Variants in PVT1 observed in about 807,000 individuals in gnomAD.
The protein encoded by PVT1 is Pvt1 oncogene.
intron 4 of PVT1, among the ~76,000 whole-genome samples, chr8:128,062,424 A>G (rs766130427): frequency 7.2e-5 from 11 of 152,168 alleles, no homozygotes; most frequent in Non-Finnish European, 1.6e-4. Flanking sequence ...GCAGGCAACA[A>G]CAGGAAACAA....
rs1020522233 is a variant in PVT1 at position 127,970,358 on chromosome 8, C to T, written n.783-18804C>T. On this transcript the variant is annotated intron_variant and non_coding_transcript_variant, in intron 3 of 10. Transcript: ENST00000651587. ...TGTCACCCAGGCTGGAGTGCAGTGG[C>T]GCAATCTCAGCTCACTGCAAGCTCT... Among the ~76,000 whole-genome samples, 25 of 125,032 alleles carry T rather than the reference C, an allele frequency of 2.0e-4. No homozygotes were observed. The Admixed American group carries it at 2.1e-3, about 11-fold the overall frequency. 82.0% of individuals were successfully genotyped at this position (125,032 alleles called of 152,430 possible).
chr8:127,966,214 A>G (rs922760138), intron 3 of PVT1, among the ~76,000 whole-genome samples: 1 of 152,192 alleles, frequency 6.6e-6, no homozygotes, highest in African/African-American at 2.4e-5. Flanking sequence ...CTGCCACTGT[A>G]TGGTATTGAA....
At chr8:127,962,708 T>A (rs1816659438) in intron 3 of PVT1, among the ~76,000 whole-genome samples, 2 of 152,164 alleles carry the variant, frequency 1.3e-5, no homozygotes, top group South Asian at 4.1e-4. Flanking sequence ...GTGATTCTGC[T>A]GTCTCAGCCT....
At chr8:127,990,158 T>C (rs1184626014) in intron 4 of PVT1, among the ~76,000 whole-genome samples, 1 of 152,164 alleles carries the variant, frequency 6.6e-6, no homozygotes, top group East Asian at 1.9e-4. Context: ...AGAATCACCT[T>C]CCCAGTTGTG....
At chr8:128,027,056 C>T (rs1363993429) in intron 4 of PVT1, among the ~76,000 whole-genome samples, 1 of 152,140 alleles carries the variant, frequency 6.6e-6, no homozygotes, top group Non-Finnish European at 1.5e-5. Context: ...GCATGGTTCC[C>T]CTGCTTCCAT....
At chr8:128,100,989 A>G (rs889154084) in intron 6 of PVT1, 1 of 152,158 alleles carries the variant, frequency 6.6e-6, no homozygotes. Flanking sequence ...GGTTTTTTGC[A>G]TGTCTGACAC....
At chr8:128,057,701 A>G (rs1185893408) in intron 4 of PVT1, among the ~76,000 whole-genome samples, 1 of 152,140 alleles carries the variant, frequency 6.6e-6, no homozygotes, top group African/African-American at 2.4e-5. Context: ...TTTGACATCC[A>G]TCATCGTTTA....
At chr8:127,944,852 C>T (rs13278829) in intron 3 of PVT1, among the ~76,000 whole-genome samples, 8,037 of 152,200 alleles carry the variant, frequency 0.053, 300 homozygotes, top group East Asian at 0.13. Context: ...TGTCTGGGCC[C>T]GGCAAATTGG....
At chr8:127,962,580 G>A (rs1193450653) in intron 3 of PVT1, among the ~76,000 whole-genome samples, 2 of 152,056 alleles carry the variant, frequency 1.3e-5, no homozygotes, top group Non-Finnish European at 2.9e-5. Context: ...TGCGGTTTTT[G>A]TCCTTGTCTT....
chr8:127,966,159 G>A lies in PVT1; in HGVS notation n.783-23003G>A, dbSNP rs144348187. On this transcript the variant is annotated intron_variant and non_coding_transcript_variant, in intron 3 of 10. Transcript: ENST00000651587. ...ACAAAACAAGAATGATAATAACAGC[G>A]TCTAAGAGAATGCAAACGTTAATAG... 6.0e-3 allele frequency among the ~76,000 whole-genome samples: 920 copies of A among 152,300 alleles called. 9 individuals carry two copies. Among genetic ancestry groups the A allele is most frequent in the African/African-American group, 0.02 (826 of 41,566 alleles).
chr8:128,088,404 C>T (rs1000297718), intron 5 of PVT1, among the ~76,000 whole-genome samples: 1 of 151,902 alleles, frequency 6.6e-6, no homozygotes, highest in African/African-American at 2.4e-5. Context: ...TCAGCAGCAG[C>T]AGAGGGGTTG....
At chr8:127,963,961 C>T (rs1816675448) in intron 3 of PVT1, among the ~76,000 whole-genome samples, 1 of 152,138 alleles carries the variant, frequency 6.6e-6, no homozygotes, top group Admixed American at 6.5e-5. Context: ...CGTCCAGTAA[C>T]GTTTGTCAGG....
chr8:127,945,144 G>C (rs560927759), intron 3 of PVT1, among the ~76,000 whole-genome samples: 3 of 152,310 alleles, frequency 2.0e-5, no homozygotes, highest in Non-Finnish European at 4.4e-5. Context: ...TCAAGGGCCA[G>C]TTAACCATTC....
At chr8:127,835,381 G>C (rs1182022156) in intron 2 of PVT1, among the ~76,000 whole-genome samples, 1 of 141,838 alleles carries the variant, frequency 7.1e-6, no homozygotes, top group Non-Finnish European at 1.6e-5. Flanking sequence ...TCATTCAGAA[G>C]TGGGAGTTGA....
intron 6 of PVT1, among the ~76,000 whole-genome samples, chr8:128,097,570 A>G (rs1178459508): frequency 1.3e-5 from 2 of 152,178 alleles, no homozygotes; most frequent in African/African-American, 4.8e-5. Context: ...TCGCAGGATT[A>G]GGCAGTACTG....
At chr8:128,043,278 G>A (rs1422884835) in intron 4 of PVT1, among the ~76,000 whole-genome samples, 1 of 152,168 alleles carries the variant, frequency 6.6e-6, no homozygotes, top group African/African-American at 2.4e-5. Flanking sequence ...ACACCCTGTG[G>A]GTTAGATCTG....
At chr8:128,090,805 A>G (rs1037386617) in intron 5 of PVT1, among the ~76,000 whole-genome samples, 3 of 152,154 alleles carry the variant, frequency 2.0e-5, no homozygotes, top group African/African-American at 4.8e-5. Flanking sequence ...TCCAGTGAGC[A>G]GCAGTGGAGC....
In PVT1 at chr8:127,989,690, T is replaced by TCTTCCTCCTTTCCCAGCCAATCCGTG. The variant is rs1249299790; in HGVS notation, n.912+412_912+437dup. Among the ~76,000 whole-genome samples the TCTTCCTCCTTTCCCAGCCAATCCGTG allele has an allele frequency of 2.6e-5, 4 of 152,314 alleles. No homozygotes were observed. The East Asian group carries it at 7.7e-4, about 29-fold the overall frequency. The stretch of plus-strand genomic sequence containing the variant: ...CCTTTGGGACATCCAGAACATGAGC[T>TCTTCCTCCTTTCCCAGCCAATCCGTG]CTTCCTCCTTTCCCAGCCAATCCGT... On this transcript the variant is annotated intron_variant and non_coding_transcript_variant, in intron 4 of 10. Transcript: ENST00000651587.
chr8:128,044,064 G>A (rs1813583085), intron 4 of PVT1, among the ~76,000 whole-genome samples: 1 of 142,566 alleles, frequency 7.0e-6, no homozygotes, highest in South Asian at 2.2e-4. Flanking sequence ...TGCTCAGGCT[G>A]GTGTCAACCT....
Sources: gnomAD v4.1 joint callset for allele counts (sites outside exome capture counted in the v4.1 genomes callset) on GRCh38, gnomAD v4.1.1 for gene constraint, MANE v1.5 for transcripts, NCBI Gene and HGNC (gene_info 2026-07-23, HGNC 2026-07-21) for gene names.